FKTN: variants seen among roughly 807,000 people sequenced by gnomAD.
The protein encoded by FKTN is ribitol-5-phosphate transferase FKTN.
In FKTN, 47 loss-of-function variants were observed where a neutral mutation model predicts 58.6. That is an observed-to-expected ratio of 0.80 (90% CI 0.63 to 1.02). FKTN has a LOEUF of 1.02. FKTN is among the 50% of genes least tolerant of loss of function. FKTN has a pLI of 0.00. For synonymous variants in FKTN, 178 were observed against 191.9 expected (o/e 0.93, Z 0.60); for missense variants, 516 against 537.3 (o/e 0.96, Z 0.39).
At chr9:105,580,241 G>A (rs1175554623) in intron 3 of FKTN, among the ~76,000 whole-genome samples, 1 of 152,180 alleles carries the variant, frequency 6.6e-6, no homozygotes, top group African/African-American at 2.4e-5. Context: ...CTCGTTAGTT[G>A]ACGCAGTTTC....
In FKTN at chr9:105,574,698, T is replaced by A. The variant is rs145429432; in HGVS notation, c.-88-247T>A. ...GGAGGAGAAAAGCACCTCTCAACCT[T>A]GTTGGTCAGTTTTTATAAATATCCT... On this transcript the variant is annotated intron_variant, in intron 2 of 10. Transcript: ENST00000357998. Among the ~76,000 whole-genome samples the A allele has an allele frequency of 0.014, 2,087 of 152,276 alleles. 20 individuals carry two copies. The highest frequency in any genetic ancestry group is 0.023 in the Non-Finnish European group (1,575 of 68,030).
chr9:105,596,486 T>C, intron 3 of FKTN, 112 bp from the exon 4 acceptor site: 1 of 724,614 alleles, frequency 1.4e-6, no homozygotes, highest in Non-Finnish European at 2.5e-6. Flanking sequence ...TATTTGATAA[T>C]GCTTTTTAAT....
chr9:105,636,271 A>G lies in FKTN; in HGVS notation c.*1007A>G, dbSNP rs1834028308. 1.1e-6 allele frequency: 1 copy of G among 947,456 alleles called. No homozygotes were observed. Among genetic ancestry groups the G allele is most frequent in the African/African-American group, 1.8e-5 (1 of 56,406 alleles). The allele number at this position is 947,456 out of a possible 1,614,324, so 58.7% of individuals were successfully genotyped here. Reference sequence around the variant, plus strand: ...TCTTTATTATCTTCATTTATCAATTACAGCTTCGTATCTCTAATTTATGGT... The same window carrying G: ...TCTTTATTATCTTCATTTATCAATTGCAGCTTCGTATCTCTAATTTATGGT... On this transcript the variant is annotated 3_prime_UTR_variant, in exon 11 of 11. Transcript: ENST00000357998.
At chr9:105,613,777 A>C (rs1338639328) in intron 7 of FKTN, among the ~76,000 whole-genome samples, 5 of 152,242 alleles carry the variant, frequency 3.3e-5, no homozygotes, top group Non-Finnish European at 7.3e-5. Flanking sequence ...GGAAAAAGAT[A>C]ATTCATTTGT....
At chr9:105,593,171 A>C in intron 3 of FKTN, among the ~76,000 whole-genome samples, 1 of 152,222 alleles carries the variant, frequency 6.6e-6, no homozygotes, top group East Asian at 1.9e-4. Flanking sequence ...CAGGAAACTT[A>C]GAATCATGGC....
At chr9:105,630,611 T>C (rs916516347) in intron 10 of FKTN, among the ~76,000 whole-genome samples, 6 of 152,008 alleles carry the variant, frequency 3.9e-5, no homozygotes, top group African/African-American at 1.4e-4. Context: ...ACATGAACAA[T>C]ACCAAAAAAA....
chr9:105,631,918 GTA>G (rs1443676565), intron 10 of FKTN, among the ~76,000 whole-genome samples: 1 of 150,418 alleles, frequency 6.6e-6, no homozygotes, highest in Non-Finnish European at 1.5e-5. Flanking sequence ...CCATTACTGG[GTA>G]TATACCCAAA....
intron 7 of FKTN, among the ~76,000 whole-genome samples, chr9:105,610,511 T>C (rs2132978493): frequency 6.6e-6 from 1 of 152,174 alleles, no homozygotes; most frequent in African/African-American, 2.4e-5. Context: ...AGTCTCCCTG[T>C]ATGTAACCTA....
intron 3 of FKTN, among the ~76,000 whole-genome samples, chr9:105,577,138 A>G (rs1172449070): frequency 2.0e-5 from 3 of 147,882 alleles, no homozygotes; most frequent in Non-Finnish European, 4.5e-5. Flanking sequence ...CTCTGATGGT[A>G]GTTTCTTTTG....
rs182364291 is a variant in FKTN at position 105,576,101 on chromosome 9, A to G, written c.105+964A>G. Among the ~76,000 whole-genome samples the G allele has an allele frequency of 9.1e-3, 1,372 of 150,616 alleles. 22 individuals carry two copies. The highest frequency in any genetic ancestry group is 0.032 in the African/African-American group (1,316 of 41,006). ...TTTATTATGCAGCATTGTTACATGG[A>G]GTTATTAGACCTAATTTTGACAGAT... On this transcript the variant is annotated intron_variant, in intron 3 of 10. Coordinates refer to ENST00000357998, the MANE Select transcript of FKTN (RefSeq NM_001079802.2).
At chr9:105,577,393 C>T (rs1841941599) in intron 3 of FKTN, among the ~76,000 whole-genome samples, 1 of 139,252 alleles carries the variant, frequency 7.2e-6, no homozygotes, top group South Asian at 2.5e-4. Context: ...ATATGGCTAG[C>T]CAGTTTTCCC....
At chr9:105,561,091 C>CA (rs533709834) in intron 1 of FKTN, among the ~76,000 whole-genome samples, 630 of 136,514 alleles carry the variant, frequency 4.6e-3, no homozygotes, top group Middle Eastern at 0.015. Flanking sequence ...TCTCAAAAAA[C>CA]AAAAAAAAAA....
chr9:105,620,090 A>C, intron 10 of FKTN, 29 bp downstream of exon 10: 1 of 1,571,118 alleles, frequency 6.4e-7, no homozygotes, highest in South Asian at 1.1e-5. Context: ...CTTATTTATA[A>C]AGGTACTACA....
chr9:105,613,122 C>A (rs1197771913), intron 7 of FKTN, among the ~76,000 whole-genome samples: 1 of 152,136 alleles, frequency 6.6e-6, no homozygotes, highest in Non-Finnish European at 1.5e-5. Flanking sequence ...CTGTTTAGTC[C>A]TTTCAGTCAC....
At position 105,638,239 on chromosome 9, in the gene FKTN, A is replaced by C. The variant is rs751461204; in HGVS notation, c.*2975A>C. On this transcript the variant is annotated 3_prime_UTR_variant, in exon 11 of 11. Coordinates refer to ENST00000357998, the MANE Select transcript of FKTN (RefSeq NM_001079802.2). ...TAACAGTGCTTGAGATGCTTAACAG[A>C]GAAGGCATCCAGTGCTTCATTGAGG... 96 of 985,298 alleles carry C rather than the reference A, an allele frequency of 9.7e-5. No homozygotes were observed. The highest frequency in any genetic ancestry group is 1.0e-4 in the Non-Finnish European group (87 of 829,908). The allele number at this position is 985,298 out of a possible 1,614,324, so 61.0% of individuals were successfully genotyped here.
At chr9:105,561,237 G>A (rs1278642717) in intron 1 of FKTN, among the ~76,000 whole-genome samples, 1 of 152,130 alleles carries the variant, frequency 6.6e-6, no homozygotes, top group Non-Finnish European at 1.5e-5. Flanking sequence ...TTGTGACACT[G>A]CACTCCAGCC....
At chr9:105,633,051 G>T (rs1833682633) in intron 10 of FKTN, among the ~76,000 whole-genome samples, 1 of 152,048 alleles carries the variant, frequency 6.6e-6, no homozygotes, top group African/African-American at 2.4e-5. Context: ...TTTATAATCA[G>T]TTTTTACATT....
chr9:105,598,025 GA>G (rs775911564), intron 4 of FKTN: 2 of 367,788 alleles, frequency 5.4e-6, no homozygotes, highest in Non-Finnish European at 1.1e-5. Flanking sequence ...TGGAATTTGT[GA>G]AAAATTTAAA....
chr9:105,575,144 T>A lies in FKTN; in HGVS notation c.105+7T>A, dbSNP rs1301248527. 1.4e-6 allele frequency: 2 copies of A among 1,398,234 alleles called. No individual in the cohort carries two copies. Among genetic ancestry groups the A allele is most frequent in the South Asian group, 2.3e-5 (2 of 86,826 alleles). 86.6% of individuals were successfully genotyped at this position (1,398,234 alleles called of 1,614,324 possible). ...GCACTATTTATCAACAAAGGTAATTTTATTCCTTCTTTCTTATCATTCCTC... is the reference window on the plus strand; with the variant it reads ...GCACTATTTATCAACAAAGGTAATTATATTCCTTCTTTCTTATCATTCCTC... On this transcript the variant is annotated splice_region_variant and intron_variant, in intron 3 of 10. Coordinates refer to ENST00000357998, the MANE Select transcript of FKTN (RefSeq NM_001079802.2).
Sources: gnomAD v4.1 joint callset for allele counts (sites outside exome capture counted in the v4.1 genomes callset) on GRCh38, gnomAD v4.1.1 for gene constraint, MANE v1.5 for transcripts, NCBI Gene and HGNC (gene_info 2026-07-23, HGNC 2026-07-21) for gene names.